The following TMEM132C variants were observed in gnomAD, a reference collection of about 807,000 sequenced individuals.
TMEM132C encodes transmembrane protein 132C, also known as protein phosphatase 1, regulatory subunit 152.
Under a neutral mutation model 61.4 loss-of-function variants are expected in TMEM132C, and 29 were observed. The observed-to-expected ratio is 0.47, with a 90% confidence interval of 0.35 to 0.64. TMEM132C has a LOEUF of 0.64. Among genes scored for constraint, TMEM132C ranks in the 30% least tolerant of loss-of-function variants. The pLI, the probability that TMEM132C is intolerant of heterozygous loss-of-function variation, is 0.00. For missense variants in TMEM132C, 1,408 were observed against 1,476.9 expected, an observed-to-expected ratio of 0.95 and a Z score of 0.76; for synonymous variants, 656 against 633.1, an observed-to-expected ratio of 1.04 and a Z score of -0.54.
At chr12:128,670,450 T>G (rs73430707) in intron 5 of TMEM132C, among the ~76,000 whole-genome samples, 3,998 of 152,312 alleles carry the variant, frequency 0.026, 185 homozygotes, top group African/African-American at 0.091. Flanking sequence ...ACCCATCCCC[T>G]GGTAACTGCC....
intron 4 of TMEM132C, among the ~76,000 whole-genome samples, chr12:128,634,806 G>T (rs1476148788): frequency 6.6e-6 from 1 of 152,208 alleles, no homozygotes; most frequent in Non-Finnish European, 1.5e-5. Flanking sequence ...CCAAACCAAA[G>T]ACTTTGACTC....
chr12:128,268,722 GTTTGC>G (rs1371506370), intron 1 of TMEM132C, among the ~76,000 whole-genome samples: 1 of 151,980 alleles, frequency 6.6e-6, no homozygotes, highest in Admixed American at 6.5e-5. Context: ...TAAAAGTAGC[GTTTGC>G]TTTTCAAAAG....
intron 1 of TMEM132C, among the ~76,000 whole-genome samples, chr12:128,322,602 C>G (rs975915689): frequency 8.5e-5 from 13 of 152,214 alleles, no homozygotes; most frequent in Non-Finnish European, 1.8e-4. Flanking sequence ...TTTTCGCACG[C>G]CCGTCACTCC....
At chr12:128,532,966 A>G (rs1245446509) in intron 2 of TMEM132C, among the ~76,000 whole-genome samples, 1 of 152,158 alleles carries the variant, frequency 6.6e-6, no homozygotes, top group Non-Finnish European at 1.5e-5. Context: ...CTGAAAACCC[A>G]CAGCCCCCTT....
intron 1 of TMEM132C, among the ~76,000 whole-genome samples, chr12:128,372,304 C>T (rs1028325302): frequency 1.4e-4 from 22 of 152,246 alleles, no homozygotes; most frequent in Admixed American, 1.3e-3. Flanking sequence ...TGTGTGTGTG[C>T]GCATCTGTGA....
intron 3 of TMEM132C, among the ~76,000 whole-genome samples, chr12:128,572,277 G>A (rs907678424): frequency 1.4e-5 from 2 of 145,974 alleles, no homozygotes; most frequent in African/African-American, 5.4e-5. Context: ...TCAGGCCTGG[G>A]TCACATGCGT....
intron 3 of TMEM132C, among the ~76,000 whole-genome samples, chr12:128,562,553 C>T (rs1269904939): frequency 2.0e-5 from 3 of 152,168 alleles, no homozygotes; most frequent in Admixed American, 1.3e-4. Flanking sequence ...AAAGACGCCT[C>T]ATTCATCATG....
In TMEM132C at chr12:128,630,332, GC is replaced by G. The variant is rs966621945; in HGVS notation, c.1305+13999del. On this transcript the variant is annotated intron_variant, in intron 4 of 8. Coordinates refer to ENST00000435159, the MANE Select transcript of TMEM132C (RefSeq NM_001136103.3). The surrounding 1 kb of genome is among the most constrained non-coding windows in gnomAD (Gnocchi z 4.3). Reference sequence around the variant, plus strand: ...TCTGGCCACATCCCACACCACTTAAGCCAAATCAGCGTAGTTAGAACCTGGG... The same window carrying G: ...TCTGGCCACATCCCACACCACTTAAGCAAATCAGCGTAGTTAGAACCTGGG... Among the ~76,000 whole-genome samples, 1 of 152,170 alleles carries G rather than the reference GC, an allele frequency of 6.6e-6. No individual in the cohort carries two copies. Among genetic ancestry groups the G allele is most frequent in the African/African-American group, 2.4e-5 (1 of 41,438 alleles).
intron 1 of TMEM132C, among the ~76,000 whole-genome samples, chr12:128,341,327 ATT>A (rs1872972630): frequency 6.6e-6 from 1 of 152,224 alleles, no homozygotes; most frequent in East Asian, 1.9e-4. Context: ...ATTTTTACCA[ATT>A]GTTGGAATTC....
intron 1 of TMEM132C, among the ~76,000 whole-genome samples, chr12:128,347,397 GTCTCTC>G (rs55729184): frequency 0.47 from 63,939 of 135,260 alleles, 14,973 homozygotes; most frequent in East Asian, 0.72. Flanking sequence ...GCATATGTAT[GTCTCTC>G]TCTCTCTCTC....
chr12:128,506,257 T>A (rs772953492), intron 2 of TMEM132C, among the ~76,000 whole-genome samples: 41 of 152,214 alleles, frequency 2.7e-4, no homozygotes, highest in Non-Finnish European at 5.3e-4. Context: ...CAGCATCATC[T>A]GCATTACATG....
At chr12:128,343,140 C>T (rs1873032172) in intron 1 of TMEM132C, among the ~76,000 whole-genome samples, 2 of 151,902 alleles carry the variant, frequency 1.3e-5, no homozygotes, top group Admixed American at 1.3e-4. Context: ...TTAAAACGAG[C>T]TGTGGCCAGG....
At chr12:128,530,740 G>GCCTCC (rs1215252955) in intron 2 of TMEM132C, among the ~76,000 whole-genome samples, 1 of 152,180 alleles carries the variant, frequency 6.6e-6, no homozygotes, top group Non-Finnish European at 1.5e-5. Context: ...ACCATGCCCG[G>GCCTCC]CCTCCAATAA....
intron 3 of TMEM132C, among the ~76,000 whole-genome samples, chr12:128,582,170 A>C (rs1222522728): frequency 2.0e-5 from 3 of 152,236 alleles, no homozygotes; most frequent in Non-Finnish European, 4.4e-5. Flanking sequence ...AATATAACCC[A>C]ATGGAAAATA....
At position 128,676,687 on chromosome 12, in the gene TMEM132C, CAT is replaced by C. The variant is rs375425591; in HGVS notation, c.1449+7128_1449+7129del. ...ATACATACACATACACGCTCACACACATGTGTCTACACAATTCAACACACATG... is the reference window on the plus strand; with the variant it reads ...ATACATACACATACACGCTCACACACGTGTCTACACAATTCAACACACATG... On this transcript the variant is annotated intron_variant, in intron 5 of 8. Transcript: ENST00000435159. 5.0e-3 allele frequency among the ~76,000 whole-genome samples: 758 copies of C among 152,340 alleles called. 7 individuals are homozygous for C. The highest frequency in any genetic ancestry group is 0.017 in the African/African-American group (723 of 41,590).
rs190182637 is a variant in TMEM132C at position 128,629,184 on chromosome 12, G to A, written c.1305+12849G>A. The stretch of plus-strand genomic sequence containing the variant: ...CGAGAATGGAGTTCAAGTTCTATAC[G>A]TGGCCCTTTGTTCAGCCTTTGTTAA... On this transcript the variant is annotated intron_variant, in intron 4 of 8. Coordinates refer to ENST00000435159, the MANE Select transcript of TMEM132C (RefSeq NM_001136103.3). Among the ~76,000 whole-genome samples the A allele has an allele frequency of 4.6e-5, 7 of 152,150 alleles. No individual in the cohort carries two copies. In the East Asian group the frequency reaches 1.4e-3, roughly 29 times the overall value.
At chr12:128,572,496 A>G (rs960554647) in intron 3 of TMEM132C, among the ~76,000 whole-genome samples, 53 of 151,476 alleles carry the variant, frequency 3.5e-4, no homozygotes, top group African/African-American at 1.2e-3. Flanking sequence ...GGCCTGCGTC[A>G]CATGGCCACT....
chr12:128,524,568 A>G (rs541353629), intron 2 of TMEM132C, among the ~76,000 whole-genome samples: 1 of 152,296 alleles, frequency 6.6e-6, no homozygotes, highest in African/African-American at 2.4e-5. Flanking sequence ...AGAATTCATC[A>G]AACAGGAAGC....
At chr12:128,533,023 G>A (rs1873375016) in intron 2 of TMEM132C, among the ~76,000 whole-genome samples, 1 of 139,608 alleles carries the variant, frequency 7.2e-6, no homozygotes, top group Non-Finnish European at 1.6e-5. Flanking sequence ...GTCAGTGGGT[G>A]GGTTTGGATA....
Sources: gnomAD v4.1 joint callset for allele counts (sites outside exome capture counted in the v4.1 genomes callset) on GRCh38, gnomAD v4.1.1 for gene constraint, Gnocchi (gnomAD v3.1) non-coding constraint, MANE v1.5 for transcripts, NCBI Gene and HGNC (gene_info 2026-07-23, HGNC 2026-07-21) for gene names.